The following RALGAPA1 variants were observed in gnomAD, a reference collection of about 807,000 sequenced individuals.
RALGAPA1 encodes the protein Ral GTPase activating protein catalytic subunit alpha 1, also known as ral GTPase-activating protein subunit alpha-1.
RALGAPA1 carries 52 observed loss-of-function variants against 269.6 expected under a neutral mutation model. The observed-to-expected ratio is 0.19, with a 90% CI of 0.15 to 0.24. The LOEUF (loss-of-function observed/expected upper bound fraction) is 0.24, where lower values mean the gene tolerates loss of function less well. Ranked by LOEUF, RALGAPA1 falls within the 10% of genes least tolerant of loss-of-function variation. The pLI is 1.00. For missense variants in RALGAPA1, 1,917 were observed against 3,013.9 expected (o/e 0.64, Z 8.52); for synonymous variants, 817 against 1,008.3 (o/e 0.81, Z 3.60).
intron 35 of RALGAPA1, among the ~76,000 whole-genome samples, chr14:35,606,710 C>T (rs1172773014): frequency 2.7e-5 from 4 of 150,596 alleles, no homozygotes; most frequent in African/African-American, 9.8e-5. Context: ...GGTTAAAAAA[C>T]TTTAAGACCA....
intron 39 of RALGAPA1, among the ~76,000 whole-genome samples, chr14:35,551,057 G>A (rs533136807): frequency 2.6e-5 from 4 of 152,238 alleles, no homozygotes; most frequent in East Asian, 1.9e-4. Context: ...CACAGCTGCC[G>A]AATTTTCTGC....
At chr14:35,769,035 A>AATATATATATATATATATAT (rs200538547) in intron 4 of RALGAPA1, among the ~76,000 whole-genome samples, 1 of 58,306 alleles carries the variant, frequency 1.7e-5, no homozygotes, top group African/African-American at 8.9e-5. Context: ...AAAAAAAAAA[A>AATATATATATATATATATAT]ATATATATAT....
intron 36 of RALGAPA1, among the ~76,000 whole-genome samples, chr14:35,599,093 C>T (rs1042820643): frequency 5.3e-5 from 8 of 152,134 alleles, no homozygotes; most frequent in Non-Finnish European, 1.0e-4. Flanking sequence ...AGTAACCCTA[C>T]CTTACTATAT....
chr14:35,733,206 G>A (rs753907543), intron 12 of RALGAPA1, among the ~76,000 whole-genome samples: 10 of 152,046 alleles, frequency 6.6e-5, no homozygotes, highest in East Asian at 5.8e-4. Context: ...GGCTGGGCAC[G>A]GTGGCTCACA....
At chr14:35,727,956 A>T (rs1199179841) in intron 13 of RALGAPA1, among the ~76,000 whole-genome samples, 1 of 152,238 alleles carries the variant, frequency 6.6e-6, no homozygotes, top group Non-Finnish European at 1.5e-5. Context: ...CAGGAAAAGT[A>T]GGCAGGGCCT....
chr14:35,797,776 C>A (rs942915468), intron 1 of RALGAPA1, among the ~76,000 whole-genome samples: 3 of 147,128 alleles, frequency 2.0e-5, no homozygotes, highest in Non-Finnish European at 4.5e-5. Flanking sequence ...ACCCGGGATA[C>A]GGAGGTTGCA....
intron 1 of RALGAPA1, among the ~76,000 whole-genome samples, chr14:35,800,808 C>T (rs1390952884): frequency 2.6e-5 from 4 of 152,118 alleles, no homozygotes; most frequent in Non-Finnish European, 5.9e-5. Context: ...AGTTTGAGAC[C>T]AGCCTGGCCA....
rs1321575956 is a variant in RALGAPA1, at chr14:35,651,790, C to T, written c.5676+15G>A. ...AAATAACCACATACTAATCATCAAA[C>T]AAAATTTAAATTACCCTCTTGTCCA... On this transcript the variant is annotated intron_variant, in intron 31 of 41. Transcript: ENST00000680220. 22 of 1,579,494 alleles carry T rather than the reference C, an allele frequency of 1.4e-5. No individual in the cohort carries two copies. The highest frequency in any genetic ancestry group is 1.8e-5 in the Non-Finnish European group (21 of 1,168,454).
chr14:35,580,246 A>G (rs1050585286), intron 37 of RALGAPA1, among the ~76,000 whole-genome samples: 3 of 152,210 alleles, frequency 2.0e-5, no homozygotes, highest in South Asian at 2.1e-4. Flanking sequence ...TCAAACTTCT[A>G]AAAGGATGAT....
At chr14:35,571,944 T>C (rs2057235799) in intron 38 of RALGAPA1, among the ~76,000 whole-genome samples, 1 of 152,136 alleles carries the variant, frequency 6.6e-6, no homozygotes, top group African/African-American at 2.4e-5. Context: ...TTGTCAAATG[T>C]AGGTTTTCTA....
At chr14:35,623,390 T>G (rs570505711) in intron 35 of RALGAPA1, among the ~76,000 whole-genome samples, 89 of 151,304 alleles carry the variant, frequency 5.9e-4, no homozygotes, top group African/African-American at 2.0e-3. Context: ...GTTCTTACAA[T>G]TAAGAAAAAT....
chr14:35,713,352 C>A (rs2068527689), intron 16 of RALGAPA1, among the ~76,000 whole-genome samples: 1 of 152,118 alleles, frequency 6.6e-6, no homozygotes, highest in African/African-American at 2.4e-5. Context: ...AAGCTAACTC[C>A]CAGACTTCTA....
intron 37 of RALGAPA1, among the ~76,000 whole-genome samples, chr14:35,586,513 T>C (rs1383507941): frequency 6.6e-6 from 1 of 152,214 alleles, no homozygotes; most frequent in Non-Finnish European, 1.5e-5. Context: ...AGAGAGGGCA[T>C]CCTTGTCTTG....
At chr14:35,650,134 G>A (rs1230817246) in intron 31 of RALGAPA1, among the ~76,000 whole-genome samples, 2 of 152,148 alleles carry the variant, frequency 1.3e-5, no homozygotes, top group African/African-American at 2.4e-5. Flanking sequence ...CACTTTGGGA[G>A]GCCGAGGCAG....
At chr14:35,561,528 TTTTTG>T in intron 39 of RALGAPA1, among the ~76,000 whole-genome samples, 1 of 146,070 alleles carries the variant, frequency 6.8e-6, no homozygotes, top group South Asian at 2.3e-4. Context: ...TTTTTTTTTT[TTTTTG>T]AGACAGAGTC....
rs1196607776 is a variant in RALGAPA1, at chr14:35,809,089, G to T, written c.-254C>A. 4.2e-6 allele frequency: 2 copies of T among 477,728 alleles called. No homozygotes were observed. Among genetic ancestry groups the T allele is most frequent in the South Asian group, 3.2e-5 (1 of 31,310 alleles). The allele number at this position is 477,728 out of a possible 1,614,324, so 29.6% of individuals were successfully genotyped here. ...GCGGATCCCTCTCCCGGCCCTGCAC[G>T]GAGCGAGGCAGACCCGGGCTGGCCG... is the stretch of plus-strand genomic sequence containing the variant. On this transcript the variant is annotated 5_prime_UTR_variant, in exon 1 of 42. Transcript: ENST00000680220.
intron 35 of RALGAPA1, among the ~76,000 whole-genome samples, chr14:35,617,253 G>A (rs1175621979): frequency 1.3e-5 from 2 of 151,752 alleles, no homozygotes; most frequent in African/African-American, 2.4e-5. Context: ...AGGCTGAGGC[G>A]GGTGGATCAC....
rs377149069 is a variant in RALGAPA1 at position 35,627,518 on chromosome 14, C to T, written c.6429G>A (p.Lys2143=). The T allele has an allele frequency of 3.1e-6, 5 of 1,601,598 alleles. No homozygotes were observed. The highest frequency in any genetic ancestry group is 1.7e-5 in the Admixed American group (1 of 57,688). ...CATTAGATGTCGGAGGCTCTTCTGG[C>T]TTCTCTTGGTGAGACAATGAAAGCA... The part of the protein sequence containing the change: ...SFMLSLSHQE[K]PEEPPTSNEC... Residue 2143 remains lysine (K), a synonymous_variant, in exon 34 of 42, where the codon AAG becomes AAA. Transcript: ENST00000680220.
Position 35,655,806 on chromosome 14 carries a change from C to T in RALGAPA1, c.5496+1G>A, listed in dbSNP as rs2063140243. 6.2e-7 allele frequency: 1 copy of T among 1,612,354 alleles called. No homozygotes were observed. The highest frequency in any genetic ancestry group is 8.5e-7 in the Non-Finnish European group (1 of 1,179,400). ...ATATTTCACTAAACAGTTTTCTTTACCTTTAAGGAAACACAAATCACATTC... is the reference window on the plus strand; with the variant it reads ...ATATTTCACTAAACAGTTTTCTTTATCTTTAAGGAAACACAAATCACATTC... On this transcript the variant is annotated splice_donor_variant, in intron 29 of 41. Transcript: ENST00000680220. LOFTEE classifies it high-confidence loss of function.
Sources: gnomAD v4.1 joint callset for allele counts (sites outside exome capture counted in the v4.1 genomes callset) on GRCh38, gnomAD v4.1.1 for gene constraint, MANE v1.5 for transcripts, NCBI Gene and HGNC (gene_info 2026-07-23, HGNC 2026-07-21) for gene names.